SNTG1: variants seen among roughly 807,000 people sequenced by gnomAD.
SNTG1 encodes the protein gamma-1-syntrophin.
A neutral mutation model predicts 74.7 loss-of-function variants in SNTG1; 39 were observed. The observed-to-expected ratio is 0.52, with a 90% CI of 0.40 to 0.68. The LOEUF is 0.68. SNTG1 is among the 30% of genes least tolerant of loss of function. SNTG1 has a pLI of 0.00. For synonymous variants in SNTG1, 254 were observed against 217.1 expected (o/e 1.17, Z -1.49); for missense variants, 685 against 609.5 (o/e 1.12, Z -1.30).
intron 1 of SNTG1, among the ~76,000 whole-genome samples, chr8:49,934,319 CTAT>C: frequency 6.6e-6 from 1 of 151,712 alleles, no homozygotes; most frequent in East Asian, 1.9e-4. Context: ...ATCTATCTAT[CTAT>C]CTATCTATCT....
intron 1 of SNTG1, among the ~76,000 whole-genome samples, chr8:50,020,812 T>C (rs972232551): frequency 1.3e-5 from 2 of 152,174 alleles, no homozygotes; most frequent in Non-Finnish European, 1.5e-5. Context: ...TTTTACTTTA[T>C]GTAGGACAAA....
chr8:50,541,115 C>T (rs2094343366), intron 11 of SNTG1, among the ~76,000 whole-genome samples: 1 of 151,892 alleles, frequency 6.6e-6, no homozygotes, highest in African/African-American at 2.4e-5. Flanking sequence ...ATTGAATATT[C>T]ACGTGCACTT....
chr8:50,166,961 T>C (rs1208054426), intron 1 of SNTG1, among the ~76,000 whole-genome samples: 3 of 147,886 alleles, frequency 2.0e-5, no homozygotes, highest in African/African-American at 7.8e-5. Context: ...GATGAGTTCA[T>C]GTCCTTTGTA....
At chr8:49,963,082 C>T (rs1180006741) in intron 1 of SNTG1, among the ~76,000 whole-genome samples, 1 of 152,202 alleles carries the variant, frequency 6.6e-6, no homozygotes. Context: ...GTAGTTGTAG[C>T]AGATGAAAGC....
chr8:50,205,971 A>T (rs559952049), intron 2 of SNTG1, among the ~76,000 whole-genome samples: 1 of 151,928 alleles, frequency 6.6e-6, no homozygotes, highest in African/African-American at 2.4e-5. Context: ...GTTACTGTAG[A>T]CTTGTAGTAT....
intron 13 of SNTG1, among the ~76,000 whole-genome samples, chr8:50,604,304 G>C (rs2094796271): frequency 6.6e-6 from 1 of 152,010 alleles, no homozygotes; most frequent in Admixed American, 6.6e-5. Context: ...TGTAGTCCCA[G>C]CTACAGGGGG....
At chr8:50,470,764 G>C (rs2093646666) in intron 8 of SNTG1, among the ~76,000 whole-genome samples, 1 of 152,158 alleles carries the variant, frequency 6.6e-6, no homozygotes, top group Non-Finnish European at 1.5e-5. Context: ...GACCCAAAGA[G>C]TGAGCAGCAG....
At chr8:50,739,943 CT>C (rs959508462) in intron 17 of SNTG1, among the ~76,000 whole-genome samples, 2 of 151,866 alleles carry the variant, frequency 1.3e-5, no homozygotes, top group Admixed American at 6.6e-5. Flanking sequence ...AATTGGACCC[CT>C]TTTTTTGCAC....
At chr8:50,087,494 T>G (rs1036489109) in intron 1 of SNTG1, among the ~76,000 whole-genome samples, 5 of 152,192 alleles carry the variant, frequency 3.3e-5, no homozygotes, top group African/African-American at 1.2e-4. Flanking sequence ...TTCCACCTTT[T>G]CTTGCATACC....
chr8:50,341,222 G>C (rs2091307823), intron 2 of SNTG1, among the ~76,000 whole-genome samples: 1 of 151,752 alleles, frequency 6.6e-6, no homozygotes, highest in East Asian at 1.9e-4. Flanking sequence ...ATTTAACCCA[G>C]TACTCCTTTT....
chr8:50,711,011 T>G (rs2095460022), intron 17 of SNTG1, among the ~76,000 whole-genome samples: 1 of 152,140 alleles, frequency 6.6e-6, no homozygotes, highest in African/African-American at 2.4e-5. Context: ...CATCACTGAT[T>G]ATACTTGGAG....
intron 11 of SNTG1, among the ~76,000 whole-genome samples, chr8:50,549,081 T>C: frequency 6.6e-6 from 1 of 152,162 alleles, no homozygotes; most frequent in East Asian, 1.9e-4. Context: ...GCAGGACTTC[T>C]TTAGGGAATG....
At chr8:49,924,880 T>A (rs1806876109) in intron 1 of SNTG1, among the ~76,000 whole-genome samples, 2 of 151,902 alleles carry the variant, frequency 1.3e-5, no homozygotes, top group Admixed American at 6.6e-5. Context: ...CCAGGTGTAG[T>A]GGCTAATACC....
chr8:50,734,682 G>A lies in SNTG1; in HGVS notation c.1285-17319G>A, dbSNP rs1406343798. ...TCTCTCTGGAGATATATATAGATAT[G>A]TATATATGGACATATATATATCTCT... On this transcript the variant is annotated intron_variant, in intron 17 of 18. Coordinates refer to ENST00000642720, the MANE Select transcript of SNTG1 (RefSeq NM_018967.5). Among the ~76,000 whole-genome samples the A allele has an allele frequency of 2.1e-5, 3 of 145,264 alleles. 1 individual carries two copies. The highest frequency in any genetic ancestry group is 7.5e-5 in the African/African-American group (3 of 39,810).
At position 50,286,346 on chromosome 8, in the gene SNTG1, C is replaced by T. The variant is rs139494095; in HGVS notation, c.-27-107866C>T. On this transcript the variant is annotated intron_variant, in intron 2 of 18. Coordinates refer to ENST00000642720, the MANE Select transcript of SNTG1 (RefSeq NM_018967.5). Reference sequence around the variant, plus strand: ...TGTATCTGTCCCAATGTGACAAACACCTGGGTTTTGAATGTGTTTTCTTTG... The same window carrying T: ...TGTATCTGTCCCAATGTGACAAACATCTGGGTTTTGAATGTGTTTTCTTTG... Among the ~76,000 whole-genome samples, 783 of 152,224 alleles carry T rather than the reference C, an allele frequency of 5.1e-3. 6 individuals carry two copies. Among genetic ancestry groups the T allele is most frequent in the African/African-American group, 0.018 (755 of 41,542 alleles).
chr8:50,008,101 G>A (rs1197111522), intron 1 of SNTG1, among the ~76,000 whole-genome samples: 1 of 152,040 alleles, frequency 6.6e-6, no homozygotes, highest in South Asian at 2.1e-4. Context: ...TTTGAGTGGG[G>A]ACACAGAGCC....
intron 1 of SNTG1, among the ~76,000 whole-genome samples, chr8:50,142,711 G>C (rs926246683): frequency 6.6e-6 from 1 of 152,042 alleles, no homozygotes; most frequent in African/African-American, 2.4e-5. Flanking sequence ...TATGAATACA[G>C]GTTGATGGAT....
chr8:50,377,979 G>C (rs1349722003), intron 2 of SNTG1, among the ~76,000 whole-genome samples: 1 of 152,200 alleles, frequency 6.6e-6, no homozygotes, highest in African/African-American at 2.4e-5. Flanking sequence ...AAACCTCTGT[G>C]GCTGGTGGCA....
intron 2 of SNTG1, among the ~76,000 whole-genome samples, chr8:50,207,376 G>C (rs1563740209): frequency 1.3e-5 from 2 of 152,142 alleles, no homozygotes; most frequent in African/African-American, 4.8e-5. Flanking sequence ...AGTATACTCT[G>C]ATGTAGATTG....
Sources: gnomAD v4.1 joint callset for allele counts (sites outside exome capture counted in the v4.1 genomes callset) on GRCh38, gnomAD v4.1.1 for gene constraint, MANE v1.5 for transcripts, NCBI Gene and HGNC (gene_info 2026-07-23, HGNC 2026-07-21) for gene names.